ARHGAP19: variants seen among roughly 807,000 people sequenced by gnomAD.
ARHGAP19 encodes the protein Rho GTPase activating protein 19.
In ARHGAP19, 48 loss-of-function variants were observed where a neutral mutation model predicts 60.9. That is an observed-to-expected ratio of 0.79 (90% CI 0.62 to 1.00). The LOEUF is 1.00. Ranked by LOEUF, ARHGAP19 falls within the 50% of genes least tolerant of loss-of-function variation. The probability of loss-of-function intolerance (pLI) is 0.00; values close to 1 mark genes in which losing one functional copy is unlikely to be tolerated. For synonymous variants in ARHGAP19, 209 were observed against 215.5 expected (o/e 0.97, Z 0.27); for missense variants, 562 against 597.2 (o/e 0.94, Z 0.61).
chr10:97,291,015 C>T (rs1320180300), intron 1 of ARHGAP19, among the ~76,000 whole-genome samples: 6 of 152,110 alleles, frequency 3.9e-5, no homozygotes, highest in African/African-American at 1.4e-4. Flanking sequence ...ACCGCATCCA[C>T]CTTTAAACAC....
At chr10:97,257,099 C>T (rs953885658) in intron 5 of ARHGAP19, among the ~76,000 whole-genome samples, 3 of 151,824 alleles carry the variant, frequency 2.0e-5, no homozygotes, top group Admixed American at 1.3e-4. Context: ...CCAGCCTGGG[C>T]GACAAAGCAA....
chr10:97,281,485 A>G (rs1241655138), intron 1 of ARHGAP19, among the ~76,000 whole-genome samples: 1 of 152,212 alleles, frequency 6.6e-6, no homozygotes, highest in Non-Finnish European at 1.5e-5. Flanking sequence ...CTTTTCATCA[A>G]CCAACATAAG....
intron 1 of ARHGAP19, 99 bp downstream of exon 1, chr10:97,292,469 GAAAC>G: frequency 1.4e-6 from 2 of 1,446,760 alleles, no homozygotes; most frequent in East Asian, 4.7e-5. Context: ...GTGGGAGAAA[GAAAC>G]AAAGCCCGAA....
intron 1 of ARHGAP19, among the ~76,000 whole-genome samples, chr10:97,267,823 G>GCGCAAAGCAGCAAGGGAC (rs1842917395): frequency 2.6e-5 from 4 of 152,194 alleles, no homozygotes; most frequent in Non-Finnish European, 5.9e-5. Context: ...GCAAGGGACT[G>GCGCAAAGCAGCAAGGGAC]TGCAAAGCAG....
At chr10:97,253,384 A>G (rs923728331) in intron 6 of ARHGAP19, among the ~76,000 whole-genome samples, 1 of 151,952 alleles carries the variant, frequency 6.6e-6, no homozygotes, top group Non-Finnish European at 1.5e-5. Context: ...TATCTCAAAA[A>G]AAAAAAAAAA....
At position 97,243,321 on chromosome 10, in the gene ARHGAP19, G is replaced by C. The variant is rs551309149; in HGVS notation, c.1185+647C>G. On this transcript the variant is annotated intron_variant, in intron 8 of 11. Coordinates refer to ENST00000358531, the MANE Select transcript of ARHGAP19 (RefSeq NM_032900.6). ...TGCCTGCTCAGGTAAAATTCAAGAG[G>C]GATTGAGACAAAATTAATCTTGAGA... Among the ~76,000 whole-genome samples the C allele has an allele frequency of 1.0e-3, 157 of 152,216 alleles. 2 individuals are homozygous for C. The South Asian group carries it at 0.031, about 30-fold the overall frequency.
intron 6 of ARHGAP19, among the ~76,000 whole-genome samples, chr10:97,250,328 A>G (rs1403404073): frequency 4.6e-5 from 7 of 152,134 alleles, no homozygotes; most frequent in African/African-American, 1.7e-4. Context: ...AAATTTTTCA[A>G]AATAAAGGTC....
chr10:97,286,356 C>T (rs1395181345), intron 1 of ARHGAP19, among the ~76,000 whole-genome samples: 1 of 152,234 alleles, frequency 6.6e-6, no homozygotes, highest in Non-Finnish European at 1.5e-5. Flanking sequence ...CTTTGGGAGG[C>T]CAAGGTGGGT....
intron 4 of ARHGAP19, among the ~76,000 whole-genome samples, chr10:97,262,613 C>T (rs554549829): frequency 3.9e-4 from 59 of 152,184 alleles, no homozygotes; most frequent in African/African-American, 1.4e-3. Flanking sequence ...TGCAGTGAGC[C>T]GAGATTGCAC....
At position 97,241,780 on chromosome 10, in the gene ARHGAP19, T is replaced by C. The variant is rs377453545; in HGVS notation, c.1185+2188A>G. Among the ~76,000 whole-genome samples the C allele has an allele frequency of 2.8e-3, 424 of 151,730 alleles. 2 individuals carry two copies. The highest frequency in any genetic ancestry group is 9.0e-3 in the African/African-American group (373 of 41,346). On this transcript the variant is annotated intron_variant, in intron 8 of 11. Transcript: ENST00000358531. ...ATCCCAGCACTTTGGGAGGCCGAGG[T>C]GGGCGGATCACAAGGTTAGGAGATC...
At chr10:97,226,215 C>A in intron 11 of ARHGAP19, 83 bp from the exon 12 acceptor site, 2 of 1,392,684 alleles carry the variant, frequency 1.4e-6, no homozygotes, top group South Asian at 2.5e-5. Context: ...GCTACAGGGT[C>A]TACACTTAAT....
At chr10:97,260,509 G>A (rs1490987418) in intron 4 of ARHGAP19, among the ~76,000 whole-genome samples, 1 of 151,260 alleles carries the variant, frequency 6.6e-6, no homozygotes, top group African/African-American at 2.4e-5. Flanking sequence ...CAGCCTGGGC[G>A]ACAGAGCAAG....
chr10:97,272,515 C>A (rs188878310), intron 1 of ARHGAP19, among the ~76,000 whole-genome samples: 2 of 152,266 alleles, frequency 1.3e-5, no homozygotes, highest in Admixed American at 1.3e-4. Context: ...ATGAAGCCAT[C>A]TGAACCTAGA....
In ARHGAP19 at chr10:97,229,805, T is replaced by C. The variant is rs368354404; in HGVS notation, c.1354A>G (p.Ile452Val). Residue 452 changes from isoleucine (I) to valine (V), a missense_variant, in exon 10 of 12, where the codon ATT (isoleucine) becomes GTT (valine). Coordinates refer to ENST00000358531, the MANE Select transcript of ARHGAP19 (RefSeq NM_032900.6). Reference sequence around the variant, plus strand: ...TTGCTGGTTCCCTTCAATTCACCAATGGCCACAGATTCTGGAGTAGGGTTC... The same window carrying C: ...TTGCTGGTTCCCTTCAATTCACCAACGGCCACAGATTCTGGAGTAGGGTTC... ...KKNPTPESVA[I>V]GELKGTSKEN... 1.2e-6 allele frequency: 2 copies of C among 1,613,046 alleles called. No homozygotes were observed. The highest frequency in any genetic ancestry group is 1.7e-6 in the Non-Finnish European group (2 of 1,179,446).
In ARHGAP19 at chr10:97,265,695, T is replaced by C. The variant is rs747523572; in HGVS notation, c.322+165A>G. 409 of 719,836 alleles carry C rather than the reference T, an allele frequency of 5.7e-4. 1 individual carries two copies. The highest frequency in any genetic ancestry group is 8.2e-4 in the Non-Finnish European group (372 of 454,498). The allele number at this position is 719,836 out of a possible 1,614,324, so 44.6% of individuals were successfully genotyped here. A position where few individuals can be genotyped will look rare whatever the true frequency, so the allele number is the denominator to read the frequency against. On this transcript the variant is annotated intron_variant, in intron 2 of 11. Coordinates refer to ENST00000358531, the MANE Select transcript of ARHGAP19 (RefSeq NM_032900.6). Reference sequence around the variant, plus strand: ...TATTTATTTATCTAGACAGTTTTTATAATTTGTATTACTATTACTTAAGGT... The same window carrying C: ...TATTTATTTATCTAGACAGTTTTTACAATTTGTATTACTATTACTTAAGGT...
intron 1 of ARHGAP19, among the ~76,000 whole-genome samples, chr10:97,287,549 C>T (rs892763818): frequency 2.6e-5 from 4 of 152,038 alleles, no homozygotes; most frequent in African/African-American, 9.7e-5. Flanking sequence ...TGAGGCCCAC[C>T]TGGGCAATAT....
At chr10:97,290,176 T>C (rs945033853) in intron 1 of ARHGAP19, among the ~76,000 whole-genome samples, 2 of 152,210 alleles carry the variant, frequency 1.3e-5, no homozygotes, top group Non-Finnish European at 2.9e-5. Context: ...AACTGCACTC[T>C]TCTGGTCTAT....
intron 8 of ARHGAP19, among the ~76,000 whole-genome samples, chr10:97,235,877 C>A (rs1434460740): frequency 1.3e-5 from 2 of 152,110 alleles, no homozygotes; most frequent in African/African-American, 4.8e-5. Context: ...ATTGAATAAT[C>A]TTATTCAATG....
intron 1 of ARHGAP19, among the ~76,000 whole-genome samples, chr10:97,287,814 G>A (rs369344974): frequency 7.2e-5 from 11 of 152,044 alleles, no homozygotes; most frequent in African/African-American, 1.2e-4. Flanking sequence ...TGTAATCCCA[G>A]CACTTTGGGA....
Sources: gnomAD v4.1 joint callset for allele counts (sites outside exome capture counted in the v4.1 genomes callset) on GRCh38, gnomAD v4.1.1 for gene constraint, MANE v1.5 for transcripts, NCBI Gene and HGNC (gene_info 2026-07-23, HGNC 2026-07-21) for gene names.